The following MAGI3 variants were observed in gnomAD, a reference collection of about 807,000 sequenced individuals.
MAGI3 encodes the protein membrane-associated guanylate kinase, WW and PDZ domain-containing protein 3.
MAGI3 carries 43 observed loss-of-function variants against 121.8 expected under a neutral mutation model. The observed-to-expected ratio is 0.35, with a 90% CI of 0.28 to 0.46. The LOEUF is 0.46. MAGI3 is among the 20% of genes least tolerant of loss of function. The pLI is 1.00. For missense variants in MAGI3, 1,547 were observed against 1,797.3 expected (o/e 0.86, Z 2.52); for synonymous variants, 553 against 639.3 (o/e 0.86, Z 2.04).
chr1:113,494,159 T>G (rs560537296), intron 1 of MAGI3, among the ~76,000 whole-genome samples: 1 of 152,102 alleles, frequency 6.6e-6, no homozygotes, highest in African/African-American at 2.4e-5. Flanking sequence ...AAAGGAAATA[T>G]ACACCATGGC....
chr1:113,631,943 A>T lies in MAGI3; in HGVS notation c.1360+8949A>T, dbSNP rs773706760. Among the ~76,000 whole-genome samples the T allele has an allele frequency of 9.1e-4, 138 of 152,248 alleles. 1 individual carries two copies. Among genetic ancestry groups the T allele is most frequent in the Middle Eastern group, 3.4e-3 (1 of 294 alleles). On this transcript the variant is annotated intron_variant, in intron 9 of 20. Transcript: ENST00000307546. ...AGACTAGTTTCTGATTGCGGGGGGA[A>T]GTTTAAGTATTGTTTTCCAGAAAGA...
chr1:113,460,766 G>A (rs990970456), intron 1 of MAGI3, among the ~76,000 whole-genome samples: 8 of 151,634 alleles, frequency 5.3e-5, no homozygotes, highest in South Asian at 2.1e-4. Context: ...CTGAGATTGC[G>A]CCACTGCACT....
At chr1:113,476,156 C>A (rs1329462826) in intron 1 of MAGI3, among the ~76,000 whole-genome samples, 1 of 151,844 alleles carries the variant, frequency 6.6e-6, no homozygotes, top group African/African-American at 2.4e-5. Flanking sequence ...TTTTGTTGAT[C>A]TTTTCAAAAA....
rs149468547 is a variant in MAGI3, at chr1:113,455,912, C to A, written c.316+64563C>A. Reference sequence around the variant, plus strand: ...TCAGTATTTTCTGATTAAATAAGGACTTGCATAGTCAAATAACCTCTTCCG... The same window carrying A: ...TCAGTATTTTCTGATTAAATAAGGAATTGCATAGTCAAATAACCTCTTCCG... On this transcript the variant is annotated intron_variant, in intron 1 of 20. Coordinates refer to ENST00000307546, the MANE Select transcript of MAGI3 (RefSeq NM_001142782.2). Among the ~76,000 whole-genome samples, 936 of 151,932 alleles carry A rather than the reference C, an allele frequency of 6.2e-3. 5 individuals carry two copies. Among genetic ancestry groups the A allele is most frequent in the Non-Finnish European group, 8.2e-3 (556 of 67,952 alleles).
chr1:113,538,336 A>C (rs369475750), intron 1 of MAGI3, among the ~76,000 whole-genome samples: 63 of 152,314 alleles, frequency 4.1e-4, no homozygotes, highest in South Asian at 2.5e-3. Flanking sequence ...CCCAGTTATT[A>C]TGTTTTCAGT....
chr1:113,679,761 A>G (rs879825751), intron 19 of MAGI3, among the ~76,000 whole-genome samples: 9 of 148,652 alleles, frequency 6.1e-5, no homozygotes, highest in Non-Finnish European at 1.2e-4. Flanking sequence ...ACTGGAGTGC[A>G]GTGGTGCAAT....
intron 1 of MAGI3, among the ~76,000 whole-genome samples, chr1:113,416,242 A>G (rs181314764): frequency 0.13 from 15,932 of 121,428 alleles, 4,730 homozygotes; most frequent in Non-Finnish European, 0.22. Flanking sequence ...CATATTAATT[A>G]TGTAATTAAT....
At chr1:113,594,589 A>T (rs1309752091) in intron 6 of MAGI3, 29 bp downstream of exon 6, 1 of 1,558,776 alleles carries the variant, frequency 6.4e-7, no homozygotes, top group Non-Finnish European at 8.8e-7. Flanking sequence ...ACTCTATCAT[A>T]CTTATTCTCT....
At chr1:113,615,431 G>A (rs1650399865) in intron 7 of MAGI3, among the ~76,000 whole-genome samples, 1 of 152,158 alleles carries the variant, frequency 6.6e-6, no homozygotes, top group Admixed American at 6.5e-5. Flanking sequence ...TGCTGCCTAG[G>A]TAGCAAAGAC....
At position 113,437,806 on chromosome 1, in the gene MAGI3, TTTC is replaced by T. The variant is rs759591213; in HGVS notation, c.316+46512_316+46514del. ...CTTCTTCTTCCTTCTTCTTTCTTCT[TTTC>T]TTCTTCTTCTTCTTCTTCTTCTTCT... On this transcript the variant is annotated intron_variant, in intron 1 of 20. Transcript: ENST00000307546. Among the ~76,000 whole-genome samples, 326 of 119,584 alleles carry T rather than the reference TTTC, an allele frequency of 2.7e-3. 6 individuals carry two copies. Among genetic ancestry groups the T allele is most frequent in the Middle Eastern group, 8.0e-3 (2 of 250 alleles). The allele number at this position is 119,584 out of a possible 152,430, so 78.5% of individuals were successfully genotyped here.
At chr1:113,625,714 G>A (rs1293797890) in intron 9 of MAGI3, among the ~76,000 whole-genome samples, 1 of 152,100 alleles carries the variant, frequency 6.6e-6, no homozygotes. Flanking sequence ...GCTTTAGCTA[G>A]AACTTCCAGT....
intron 2 of MAGI3, among the ~76,000 whole-genome samples, chr1:113,556,866 T>C (rs1047930618): frequency 6.6e-6 from 1 of 152,178 alleles, no homozygotes; most frequent in Non-Finnish European, 1.5e-5. Flanking sequence ...ACACCCGGCC[T>C]AATAAGGAAT....
At chr1:113,492,013 C>T (rs2359415) in intron 1 of MAGI3, among the ~76,000 whole-genome samples, 9,432 of 152,214 alleles carry the variant, frequency 0.062, 316 homozygotes, top group Non-Finnish European at 0.074. Context: ...CTCTCTAACT[C>T]ATTCTATGAG....
intron 1 of MAGI3, among the ~76,000 whole-genome samples, chr1:113,419,836 A>G (rs1303706658): frequency 6.6e-6 from 1 of 152,124 alleles, no homozygotes; most frequent in East Asian, 1.9e-4. Context: ...GCGCTAGGGA[A>G]GAATCCATTT....
rs183966611 is a variant in MAGI3, at chr1:113,491,359, G to A, written c.317-58156G>A. The stretch of plus-strand genomic sequence containing the variant: ...ACAAAGAGACAACATACCAGAATCT[G>A]TGGGATACAGCCAAGGCAGTGTTAA... On this transcript the variant is annotated intron_variant, in intron 1 of 20. Coordinates refer to ENST00000307546, the MANE Select transcript of MAGI3 (RefSeq NM_001142782.2). 4.6e-5 allele frequency among the ~76,000 whole-genome samples: 7 copies of A among 152,262 alleles called. No homozygotes were observed. In the East Asian group the frequency reaches 1.3e-3, roughly 29 times the overall value.
chr1:113,539,625 G>T (rs914633210), intron 1 of MAGI3, among the ~76,000 whole-genome samples: 1 of 151,878 alleles, frequency 6.6e-6, no homozygotes, highest in Non-Finnish European at 1.5e-5. Flanking sequence ...CATGTGCCAT[G>T]CCGGTGCGCT....
At chr1:113,657,274 C>T (rs1484568047) in intron 15 of MAGI3, among the ~76,000 whole-genome samples, 2 of 152,198 alleles carry the variant, frequency 1.3e-5, no homozygotes, top group East Asian at 3.9e-4. Context: ...AACAGTTTCC[C>T]AGTCCGTTTA....
chr1:113,499,352 T>A (rs1657020978), intron 1 of MAGI3, among the ~76,000 whole-genome samples: 1 of 24,160 alleles, frequency 4.1e-5, no homozygotes, highest in Non-Finnish European at 7.5e-5. Flanking sequence ...AGGCTCAAAA[T>A]AAAAGGATGG....
intron 1 of MAGI3, among the ~76,000 whole-genome samples, chr1:113,471,009 A>G (rs1655512543): frequency 6.6e-6 from 1 of 152,212 alleles, no homozygotes; most frequent in South Asian, 2.1e-4. Flanking sequence ...AATGTAAAAA[A>G]GCTTTTCCCT....
Sources: allele counts gnomAD v4.1 joint callset (sites outside exome capture counted in the v4.1 genomes callset), GRCh38; gene constraint gnomAD v4.1.1; transcripts MANE v1.5; gene names NCBI Gene and HGNC (gene_info 2026-07-23, HGNC 2026-07-21).